The following SPATA6 variants were observed in gnomAD, a reference collection of about 807,000 sequenced individuals.
SPATA6 encodes spermatogenesis-associated protein 6.
Under a neutral mutation model 65.3 loss-of-function variants are expected in SPATA6, and 56 were observed. The ratio of observed to expected loss-of-function variants is 0.86; its 90% CI spans 0.69 to 1.07. SPATA6 has a LOEUF of 1.07. SPATA6 is among the 50% of genes least tolerant of loss of function. The pLI, the probability that SPATA6 is intolerant of heterozygous loss-of-function variation, is 0.00. For synonymous variants in SPATA6, 199 were observed against 213.2 expected, an observed-to-expected ratio of 0.93 and a Z score of 0.58; for missense variants, 590 against 594.8, an observed-to-expected ratio of 0.99 and a Z score of 0.08.
At chr1:48,457,467 T>C (rs1273257066) in intron 1 of SPATA6, among the ~76,000 whole-genome samples, 1 of 151,994 alleles carries the variant, frequency 6.6e-6, no homozygotes, top group Non-Finnish European at 1.5e-5. Context: ...GATAATCCAA[T>C]GAACTCTCAA....
chr1:48,420,444 G>A (rs1169247669), intron 3 of SPATA6, among the ~76,000 whole-genome samples: 1 of 152,164 alleles, frequency 6.6e-6, no homozygotes, highest in Non-Finnish European at 1.5e-5. Flanking sequence ...TGGGCCTGCT[G>A]TCTTTAGGGG....
At chr1:48,275,181 A>T in the SPATA6 span, among the ~76,000 whole-genome samples, 7 of 152,148 alleles carry the variant, frequency 4.6e-5, no homozygotes, top group Non-Finnish European at 1.5e-5. Flanking sequence ...ATTTTTGCAC[A>T]TTGATTTTGT....
chr1:48,468,960 G>C (rs976838625), intron 1 of SPATA6, among the ~76,000 whole-genome samples: 2 of 152,058 alleles, frequency 1.3e-5, no homozygotes, highest in South Asian at 4.2e-4. Context: ...TTTTATTTAC[G>C]TATGTATTTA....
At chr1:48,396,887 A>C (rs1650645868) in intron 7 of SPATA6, among the ~76,000 whole-genome samples, 1 of 151,676 alleles carries the variant, frequency 6.6e-6, no homozygotes, top group African/African-American at 2.4e-5. Context: ...ATGTTTCTAA[A>C]CTACACACTT....
chr1:48,450,619 T>C (rs1656476975), intron 3 of SPATA6, among the ~76,000 whole-genome samples: 2 of 152,144 alleles, frequency 1.3e-5, no homozygotes, highest in Admixed American at 1.3e-4. Flanking sequence ...GTGGAAAATA[T>C]AACACCAAGG....
Position 48,429,008 on chromosome 1 carries a change from G to A in SPATA6, c.239-15857C>T, listed in dbSNP as rs140219850. On this transcript the variant is annotated intron_variant, in intron 3 of 12. Coordinates refer to ENST00000371847, the MANE Select transcript of SPATA6 (RefSeq NM_019073.4). ...GGGGAAGGCTTCAACTATAAACCGT[G>A]ATCAATTTCAGTCAATTTCAGCTCT... Among the ~76,000 whole-genome samples, 171 of 151,780 alleles carry A rather than the reference G, an allele frequency of 1.1e-3. 1 individual carries two copies. The highest frequency in any genetic ancestry group is 2.9e-3 in the South Asian group (14 of 4,804).
At chr1:48,464,309 C>CAAACAAAACA (rs528491458) in intron 1 of SPATA6, among the ~76,000 whole-genome samples, 24 of 151,794 alleles carry the variant, frequency 1.6e-4, no homozygotes, top group African/African-American at 5.6e-4. Context: ...AAAGACAAGG[C>CAAACAAAACA]AAACAAAACA....
the SPATA6 span, among the ~76,000 whole-genome samples, chr1:48,279,006 A>C: frequency 6.6e-6 from 1 of 152,218 alleles, no homozygotes; most frequent in Non-Finnish European, 1.5e-5. Flanking sequence ...TACAAGCCAG[A>C]AGAGAGTGGG....
chr1:48,320,408 G>C (rs1645567352), intron 11 of SPATA6, among the ~76,000 whole-genome samples: 2 of 152,170 alleles, frequency 1.3e-5, no homozygotes, highest in African/African-American at 2.4e-5. Context: ...AAAACATCCG[G>C]CAGCAAGCTG....
intron 5 of SPATA6, 21 bp downstream of exon 5, chr1:48,411,443 C>A: frequency 6.3e-7 from 1 of 1,594,180 alleles, no homozygotes; most frequent in South Asian, 1.2e-5. Context: ...AAAACTGATT[C>A]AGAAAATTGC....
intron 12 of SPATA6, among the ~76,000 whole-genome samples, chr1:48,302,144 T>G (rs2148644451): frequency 6.6e-6 from 1 of 152,354 alleles, no homozygotes; most frequent in Admixed American, 6.5e-5. Flanking sequence ...CCTGGACTGA[T>G]ATTGTGAACT....
chr1:48,462,367 T>C (rs981723069), intron 1 of SPATA6, among the ~76,000 whole-genome samples: 1 of 151,964 alleles, frequency 6.6e-6, no homozygotes, highest in Non-Finnish European at 1.5e-5. Flanking sequence ...TAAAAAATAA[T>C]ATGATAGCTA....
intron 11 of SPATA6, among the ~76,000 whole-genome samples, chr1:48,340,127 G>C (rs1036265334): frequency 6.7e-6 from 1 of 149,482 alleles, no homozygotes; most frequent in Non-Finnish European, 1.5e-5. Context: ...AGTGTAGGAA[G>C]AAAAACAGCT....
chr1:48,414,310 T>C (rs1051403724), intron 3 of SPATA6, among the ~76,000 whole-genome samples: 2 of 152,238 alleles, frequency 1.3e-5, no homozygotes, highest in African/African-American at 4.8e-5. Flanking sequence ...AGAAACCATT[T>C]TGAAGTACGT....
At chr1:48,356,312 A>G (rs558721857) in intron 10 of SPATA6, among the ~76,000 whole-genome samples, 4 of 152,056 alleles carry the variant, frequency 2.6e-5, no homozygotes, top group African/African-American at 9.6e-5. Context: ...AGAAGAAACA[A>G]AGCATCCCTT....
chr1:48,402,612 A>G (rs1651275456), intron 6 of SPATA6: 1 of 152,192 alleles, frequency 6.6e-6, no homozygotes, highest in South Asian at 2.1e-4. Context: ...TGTTCCCCTC[A>G]ATAATTCTAT....
chr1:48,267,226 C>T, the SPATA6 span, among the ~76,000 whole-genome samples: 92,915 of 151,876 alleles, frequency 0.61, 28,674 homozygotes, highest in East Asian at 0.79. Flanking sequence ...GGTCGTGAGG[C>T]GGGCACCGAC....
At chr1:48,305,161 G>T (rs1645030894) in intron 12 of SPATA6, among the ~76,000 whole-genome samples, 1 of 152,164 alleles carries the variant, frequency 6.6e-6, no homozygotes, top group South Asian at 2.1e-4. Context: ...CAAAACCCAA[G>T]TTAGCAATTA....
chr1:48,325,278 G>A, intron 11 of SPATA6: 1 of 946,662 alleles, frequency 1.1e-6, no homozygotes, highest in Non-Finnish European at 1.6e-6. Context: ...CCACCAATGA[G>A]TGCTGTCTTG....
Sources: gnomAD v4.1 joint callset for allele counts (sites outside exome capture counted in the v4.1 genomes callset) on GRCh38, gnomAD v4.1.1 for gene constraint, MANE v1.5 for transcripts, NCBI Gene and HGNC (gene_info 2026-07-23, HGNC 2026-07-21) for gene names.